PCSK1: variants seen among roughly 807,000 people sequenced by gnomAD.
PCSK1 encodes neuroendocrine convertase 1.
PCSK1 carries 56 observed loss-of-function variants against 90.6 expected under a neutral mutation model. That is an observed-to-expected ratio of 0.62 (90% CI 0.50 to 0.77). The LOEUF (loss-of-function observed/expected upper bound fraction) is 0.77, where lower values mean the gene tolerates loss of function less well. Ranked by LOEUF, PCSK1 falls within the 30% of genes least tolerant of loss-of-function variation. The pLI, the probability that PCSK1 is intolerant of heterozygous loss-of-function variation, is 0.00. For missense variants in PCSK1, 801 were observed against 932.6 expected (o/e 0.86, Z 1.84); for synonymous variants, 348 against 342.4 (o/e 1.02, Z -0.18).
At chr5:96,405,606 G>A (rs111921174) in intron 9 of PCSK1, among the ~76,000 whole-genome samples, 2 of 152,294 alleles carry the variant, frequency 1.3e-5, no homozygotes, top group Admixed American at 6.5e-5. Flanking sequence ...GAGGGGTTGA[G>A]GTTGCAGTGA....
rs140507758 is a variant in PCSK1, at chr5:96,410,686, T to C, written c.1095+88A>G. ...GAGACATCAAGCTTAAGCGAATCAGTCGTACCAAAGGTCAGTTAGGGGAAT... is the reference window on the plus strand; with the variant it reads ...GAGACATCAAGCTTAAGCGAATCAGCCGTACCAAAGGTCAGTTAGGGGAAT... On this transcript the variant is annotated intron_variant, in intron 8 of 13. Transcript: ENST00000311106. 4.3e-4 allele frequency: 457 copies of C among 1,059,250 alleles called. 4 individuals carry two copies. The African/African-American group carries it at 5.9e-3, about 14-fold the overall frequency. 65.6% of individuals were successfully genotyped at this position (1,059,250 alleles called of 1,614,324 possible). A position where few individuals can be genotyped will look rare whatever the true frequency, so the allele number is the denominator to read the frequency against.
chr5:96,399,920 A>C, intron 10 of PCSK1, 33 bp downstream of exon 10: 15 of 1,431,374 alleles, frequency 1.0e-5, no homozygotes, highest in Non-Finnish European at 1.5e-5. Flanking sequence ...TGCCATGGGC[A>C]CACATGTGTT....
In PCSK1 at chr5:96,400,057, G is replaced by C. The variant is rs1481578787; in HGVS notation, c.1326C>G (p.Gly442=). The C allele has an allele frequency of 2.5e-6, 4 of 1,614,032 alleles. No homozygotes were observed. Among genetic ancestry groups the C allele is most frequent in the Non-Finnish European group, 3.4e-6 (4 of 1,180,010 alleles). Residue 442 remains glycine (G), a synonymous_variant, in exon 10 of 14, where the codon GGC becomes GGG. Coordinates refer to ENST00000311106, the MANE Select transcript of PCSK1 (RefSeq NM_000439.5). ...GLMVNSRFGF[G]LLNAKALVDL... ...CCACCAGAGCTTTGGCATTTAGCAA[G>C]CCAAATCCAAATCGACTATTCACCA...
Position 96,393,142 on chromosome 5 carries a change from C to T in PCSK1, c.2121G>A (p.Leu707=). 1 of 1,614,136 alleles carries T rather than the reference C, an allele frequency of 6.2e-7. No individual in the cohort carries two copies. The highest frequency in any genetic ancestry group is 8.5e-7 in the Non-Finnish European group (1 of 1,180,020). ...YENFYEALEK[L]NKPSQLKDSE... ...AGTCTTTAAGCTGGGAAGGTTTGTT[C>T]AGCTTTTCCAGGGCTTCGTAGAAGT... Residue 707 remains leucine (L), a synonymous_variant, in exon 14 of 14, where the codon CTG becomes CTA. Coordinates refer to ENST00000311106, the MANE Select transcript of PCSK1 (RefSeq NM_000439.5).
rs1227914941 is a variant in PCSK1, at chr5:96,400,021, G to A, written c.1362C>T (p.Asp454=). ...CAGGCACGCTCCTCCAGGTCCTGGG[G>A]TCAGCTAAATCCACCAGAGCTTTGG... ...LNAKALVDLA[D]PRTWRSVPEK... Residue 454 remains aspartate (D), a synonymous_variant, in exon 10 of 14, where the codon GAC becomes GAT. Coordinates refer to ENST00000311106, the MANE Select transcript of PCSK1 (RefSeq NM_000439.5). 3.7e-6 allele frequency: 6 copies of A among 1,614,204 alleles called. No individual in the cohort carries two copies. The highest frequency in any genetic ancestry group is 4.2e-6 in the Non-Finnish European group (5 of 1,180,038).
intron 4 of PCSK1, 124 bp from the exon 5 acceptor site, chr5:96,422,080 T>C: frequency 1.4e-6 from 1 of 694,552 alleles, no homozygotes; most frequent in East Asian, 2.5e-5. Context: ...CTCAAAAGCC[T>C]GCATTTTAGA....
rs13169290 is a variant in PCSK1 at position 96,393,702 on chromosome 5, G to A, written c.1885-324C>T. Among the ~76,000 whole-genome samples the A allele has an allele frequency of 0.23, 35,406 of 152,132 alleles. 4,394 individuals are homozygous for A. The highest frequency in any genetic ancestry group is 0.31 in the South Asian group (1,494 of 4,826). ...ACATGGTGGTTTTCTTTACTTGTCA[G>A]CCTGCTGTCATGGAATCCATTTTGG... On this transcript the variant is annotated intron_variant, in intron 13 of 13. Coordinates refer to ENST00000311106, the MANE Select transcript of PCSK1 (RefSeq NM_000439.5).
intron 12 of PCSK1, among the ~76,000 whole-genome samples, chr5:96,395,810 G>A (rs553707541): frequency 6.8e-6 from 1 of 146,600 alleles, no homozygotes; most frequent in African/African-American, 2.6e-5. Context: ...AATAAAAGAG[G>A]TCTATAAAGT....
chr5:96,396,976 AC>A (rs1235581078), intron 12 of PCSK1, among the ~76,000 whole-genome samples: 1 of 152,232 alleles, frequency 6.6e-6, no homozygotes, highest in Admixed American at 6.5e-5. Flanking sequence ...AGAATGTCAC[AC>A]CAAAGTTGGT....
At chr5:96,406,504 C>G (rs1438556841) in intron 9 of PCSK1, among the ~76,000 whole-genome samples, 1 of 152,180 alleles carries the variant, frequency 6.6e-6, no homozygotes, top group Non-Finnish European at 1.5e-5. Context: ...AGTAGGTGGA[C>G]TCTTGGTAAG....
intron 6 of PCSK1, among the ~76,000 whole-genome samples, chr5:96,414,078 G>A (rs1217436714): frequency 6.7e-6 from 1 of 148,372 alleles, no homozygotes; most frequent in African/African-American, 2.5e-5. Context: ...GGCGGAGCTT[G>A]CAGTGAGCCG....
intron 2 of PCSK1, among the ~76,000 whole-genome samples, chr5:96,426,247 T>C (rs189569179): frequency 3.9e-5 from 6 of 152,316 alleles, no homozygotes; most frequent in African/African-American, 1.4e-4. Context: ...TGGACCATAA[T>C]ACTCATTTTT....
chr5:96,430,428 C>T (rs532078610), intron 1 of PCSK1, among the ~76,000 whole-genome samples: 1 of 152,278 alleles, frequency 6.6e-6, no homozygotes, highest in African/African-American at 2.4e-5. Context: ...GGCCCTGCTC[C>T]AAGCCTGAAT....
intron 9 of PCSK1, among the ~76,000 whole-genome samples, chr5:96,403,680 T>C (rs750708707): frequency 1.8e-4 from 28 of 152,338 alleles, no homozygotes; most frequent in Admixed American, 4.6e-4. Context: ...TTAGAAGAGA[T>C]GTAGGTAATG....
chr5:96,393,039 G>A lies in PCSK1; in HGVS notation c.2224C>T (p.Leu742Phe). 1 of 1,614,146 alleles carries A rather than the reference G, an allele frequency of 6.2e-7. No homozygotes were observed. The highest frequency in any genetic ancestry group is 1.1e-5 in the South Asian group (1 of 91,088). The change falls in exon 14 of 14, where the codon CTT becomes TTT. Residue 742 changes from leucine to phenylalanine, a missense_variant. Physicochemically the swap from Leu to Phe is conservative, Grantham distance 22 (BLOSUM62 0). Transcript: ENST00000311106. ...TTCAGAATGTCCACCAGAGCTTGAA[G>A]CAGCCGGTCGTCTCTGTGCTTGTAA... ...KPYKHRDDRL[L>F]QALVDILNEE...
intron 7 of PCSK1, 81 bp from the exon 8 acceptor site, chr5:96,411,067 T>C: frequency 1.0e-6 from 1 of 992,276 alleles, no homozygotes; most frequent in Non-Finnish European, 1.6e-6. Context: ...CCCCAACGAC[T>C]ACATGTGTGA....
chr5:96,391,280 C>T lies in PCSK1; in HGVS notation c.*1721G>A, dbSNP rs1383405074. On this transcript the variant is annotated 3_prime_UTR_variant, in exon 14 of 14. Coordinates refer to ENST00000311106, the MANE Select transcript of PCSK1 (RefSeq NM_000439.5). The stretch of plus-strand genomic sequence containing the variant: ...TTGTGTTACCAACCATACTTCAAGC[C>T]AAAGCAAATGACAGACTCTAGTGTT... The T allele has an allele frequency of 6.6e-6, 1 of 152,156 alleles. No homozygotes were observed. The highest frequency in any genetic ancestry group is 1.5e-5 in the Non-Finnish European group (1 of 68,030). 9.4% of individuals were successfully genotyped at this position (152,156 alleles called of 1,614,324 possible). A position where few individuals can be genotyped will look rare whatever the true frequency, so the allele number is the denominator to read the frequency against.
At chr5:96,417,709 TA>T (rs1206337023) in intron 5 of PCSK1, among the ~76,000 whole-genome samples, 1 of 152,222 alleles carries the variant, frequency 6.6e-6, no homozygotes, top group Non-Finnish European at 1.5e-5. Flanking sequence ...TGAATATTTT[TA>T]AAATCCCTTT....
Position 96,429,238 on chromosome 5 carries a change from G to A in PCSK1, c.260C>T (p.Thr87Ile). 1 of 1,583,298 alleles carries A rather than the reference G, an allele frequency of 6.3e-7. No homozygotes were observed. The highest frequency in any genetic ancestry group is 8.7e-7 in the Non-Finnish European group (1 of 1,152,046). Residue 87 changes from threonine to isoleucine, a missense_variant, in exon 2 of 14, where the codon ACT (threonine) becomes ATT (isoleucine). By Grantham distance (89) the Thr-to-Ile change is moderately conservative. Coordinates refer to ENST00000311106, the MANE Select transcript of PCSK1 (RefSeq NM_000439.5). ...RRSRRSAFHI[T>I]KRLSDDDRVI... ...ACGATCATCATCAGATAATCTCTTAGTGATATGAAAGGCACTCCTTCGAGA... is the reference window on the plus strand; with the variant it reads ...ACGATCATCATCAGATAATCTCTTAATGATATGAAAGGCACTCCTTCGAGA...
Sources: gnomAD v4.1 joint callset for allele counts (sites outside exome capture counted in the v4.1 genomes callset) on GRCh38, gnomAD v4.1.1 for gene constraint, MANE v1.5 for transcripts, NCBI Gene and HGNC (gene_info 2026-07-23, HGNC 2026-07-21) for gene names.